The following KLRG2 variants were observed in gnomAD, a reference collection of about 807,000 sequenced individuals.
KLRG2 encodes killer cell lectin-like receptor subfamily G member 2.
Under a neutral mutation model 35.4 loss-of-function variants are expected in KLRG2, and 39 were observed. The observed-to-expected ratio is 1.10, with a 90% CI of 0.85 to 1.44. KLRG2 has a LOEUF of 1.44. Ranked by LOEUF, KLRG2 falls within the 40% of genes most tolerant of loss-of-function variation. The pLI is 0.00. For missense variants in KLRG2, 632 were observed against 570.9 expected, an observed-to-expected ratio of 1.11 and a Z score of -1.09; for synonymous variants, 283 against 265.8, an observed-to-expected ratio of 1.06 and a Z score of -0.63.
chr7:139,443,094 C>CTTTTTTTTTTT, the KLRG2 span, among the ~76,000 whole-genome samples: 1 of 120,584 alleles, frequency 8.3e-6, no homozygotes, highest in African/African-American at 3.6e-5. Context: ...GGAAAAAAAA[C>CTTTTTTTTTTT]TTTTTTTTTT....
At chr7:139,432,137 CT>C in the KLRG2 span, among the ~76,000 whole-genome samples, 1 of 152,098 alleles carries the variant, frequency 6.6e-6, no homozygotes, top group African/African-American at 2.4e-5. Context: ...AGGAGGATTG[CT>C]TGAGCCCAGG....
At chr7:139,428,199 T>TA in the KLRG2 span, among the ~76,000 whole-genome samples, 809 of 152,338 alleles carry the variant, frequency 5.3e-3, 10 homozygotes, top group African/African-American at 0.018. Flanking sequence ...TTGTAACAGA[T>TA]AAAAAACCGA....
chr7:139,461,115 T>C (rs1796560589), intron 3 of KLRG2, among the ~76,000 whole-genome samples: 1 of 151,968 alleles, frequency 6.6e-6, no homozygotes, highest in Admixed American at 6.6e-5. Context: ...CCAGGCATGG[T>C]GATGGGACCT....
downstream of KLRG2, among the ~76,000 whole-genome samples, chr7:139,448,355 AGTCT>A (rs1359824315): frequency 6.6e-6 from 1 of 152,144 alleles, no homozygotes; most frequent in Non-Finnish European, 1.5e-5. Context: ...AAGACCAGTC[AGTCT>A]GTTTGTATGC....
intron 3 of KLRG2, among the ~76,000 whole-genome samples, chr7:139,470,841 C>CTTT (rs879394340): frequency 7.1e-6 from 1 of 141,824 alleles, no homozygotes; most frequent in African/African-American, 2.6e-5. Flanking sequence ...CAGCACATTC[C>CTTT]TTTTTTTTTT....
intron 3 of KLRG2, among the ~76,000 whole-genome samples, chr7:139,454,730 C>G (rs569820396): frequency 6.6e-6 from 1 of 151,576 alleles, no homozygotes; most frequent in Admixed American, 6.6e-5. Context: ...ACAGGAGAAT[C>G]GCTTGAGCCC....
intron 3 of KLRG2, among the ~76,000 whole-genome samples, chr7:139,475,230 G>A (rs1360624293): frequency 6.6e-6 from 1 of 152,144 alleles, no homozygotes; most frequent in Non-Finnish European, 1.5e-5. Flanking sequence ...TAACAGGAAG[G>A]TGAGTGAGAA....
At chr7:139,430,708 A>G in the KLRG2 span, among the ~76,000 whole-genome samples, 3 of 152,114 alleles carry the variant, frequency 2.0e-5, no homozygotes, top group Admixed American at 6.6e-5. Flanking sequence ...ATATCCATCA[A>G]TTAGAAAGCA....
chr7:139,448,962 C>A (rs6972604), downstream of KLRG2: 16,874 of 151,518 alleles, frequency 0.11, 2,400 homozygotes, highest in African/African-American at 0.33. Flanking sequence ...CAAAAATTAT[C>A]CAGGTGTGGT....
chr7:139,466,853 A>C (rs1796665954), intron 3 of KLRG2, among the ~76,000 whole-genome samples: 1 of 151,802 alleles, frequency 6.6e-6, no homozygotes, highest in Admixed American at 6.6e-5. Flanking sequence ...AAAAAAAAAA[A>C]AGCTCAAAGA....
At chr7:139,430,141 G>T in the KLRG2 span, among the ~76,000 whole-genome samples, 1 of 152,238 alleles carries the variant, frequency 6.6e-6, no homozygotes, top group Non-Finnish European at 1.5e-5. Context: ...AATGGCTAAT[G>T]CTTGTAATCC....
intron 1 of KLRG2, among the ~76,000 whole-genome samples, chr7:139,481,592 G>A (rs2116487790): frequency 6.6e-6 from 1 of 152,122 alleles, no homozygotes; most frequent in East Asian, 1.9e-4. Context: ...CTACCTAGCA[G>A]GGATCCCTAG....
At chr7:139,458,409 G>A (rs1280765899) in intron 3 of KLRG2, among the ~76,000 whole-genome samples, 1 of 151,850 alleles carries the variant, frequency 6.6e-6, no homozygotes, top group Non-Finnish European at 1.5e-5. Context: ...GAAAGAAAAA[G>A]TTTAATGACA....
At chr7:139,445,855 G>A in the KLRG2 span, among the ~76,000 whole-genome samples, 1 of 142,948 alleles carries the variant, frequency 7.0e-6, no homozygotes, top group Admixed American at 6.9e-5. Flanking sequence ...TTTTGAGACG[G>A]AGTTTCACTC....
chr7:139,444,927 T>A, the KLRG2 span, among the ~76,000 whole-genome samples: 1 of 152,144 alleles, frequency 6.6e-6, no homozygotes, highest in Non-Finnish European at 1.5e-5. Context: ...AATCTTCCTA[T>A]GAAGTCTTAG....
chr7:139,460,001 C>T (rs1464493827), intron 3 of KLRG2, among the ~76,000 whole-genome samples: 10 of 152,234 alleles, frequency 6.6e-5, no homozygotes, highest in South Asian at 2.1e-4. Flanking sequence ...CCGCCCGCCT[C>T]GGCTTCCCAA....
In KLRG2 at chr7:139,480,574, T is replaced by A. The variant is rs551960884; in HGVS notation, c.758-327A>T. The stretch of plus-strand genomic sequence containing the variant: ...AATTCTCCTGCCTCAACCTCCTGAG[T>A]AGCTGGGGTTACAGGTGCGTGCCAC... On this transcript the variant is annotated intron_variant, in intron 1 of 4. Transcript: ENST00000340940. Among the ~76,000 whole-genome samples the A allele has an allele frequency of 3.4e-5, 5 of 149,118 alleles. No homozygotes were observed. In the South Asian group the frequency reaches 1.1e-3, roughly 32 times the overall value.
At chr7:139,471,451 CAAGAGTTT>C (rs770770160) in intron 3 of KLRG2, among the ~76,000 whole-genome samples, 19 of 152,150 alleles carry the variant, frequency 1.2e-4, no homozygotes, top group Admixed American at 3.9e-4. Context: ...CACCTGAGGT[CAAGAGTTT>C]AAGACCAGCC....
chr7:139,483,625 C>G lies in KLRG2; in HGVS notation c.18G>C (p.Glu6Asp). The change falls in exon 1 of 5, where the codon GAG (glutamate) becomes GAC (aspartate). Residue 6 changes from glutamate (E) to aspartate (D), a missense_variant. Glu to Asp is a conservative substitution (Grantham distance 45). Transcript: ENST00000340940. MEESWEAAPGGQAGAE... is the reference protein window; with the variant it reads MEESWDAAPGGQAGAE... ...CCCCGGCTTGGCCTCCGGGCGCAGC[C>G]TCCCAAGACTCCTCCATCCCGCGCG... The G allele has an allele frequency of 6.4e-7, 1 of 1,558,328 alleles. No homozygotes were observed. Among genetic ancestry groups the G allele is most frequent in the South Asian group, 1.2e-5 (1 of 85,468 alleles).
Sources: gnomAD v4.1 joint callset for allele counts (sites outside exome capture counted in the v4.1 genomes callset) on GRCh38, gnomAD v4.1.1 for gene constraint, MANE v1.5 for transcripts, NCBI Gene and HGNC (gene_info 2026-07-23, HGNC 2026-07-21) for gene names.